The following PTPRJ variants were observed in gnomAD, a reference collection of about 807,000 sequenced individuals.
The protein encoded by PTPRJ is protein tyrosine phosphatase receptor type J, also known as receptor-type tyrosine-protein phosphatase eta.
A neutral mutation model predicts 141.3 loss-of-function variants in PTPRJ; 129 were observed. The ratio of observed to expected loss-of-function variants is 0.91; its 90% CI spans 0.79 to 1.06. The LOEUF is 1.06. Ranked by LOEUF, PTPRJ falls within the 50% of genes least tolerant of loss-of-function variation. The pLI, the probability that PTPRJ is intolerant of heterozygous loss-of-function variation, is 0.00. For missense variants in PTPRJ, 1,601 were observed against 1,679.7 expected, an observed-to-expected ratio of 0.95 and a Z score of 0.82; for synonymous variants, 610 against 640.5, an observed-to-expected ratio of 0.95 and a Z score of 0.72.
chr11:48,065,964 A>G (rs967362225), intron 1 of PTPRJ, among the ~76,000 whole-genome samples: 5 of 152,236 alleles, frequency 3.3e-5, no homozygotes, highest in African/African-American at 1.2e-4. Context: ...TTTTTGAAAC[A>G]TGAAAACCCT....
At chr11:48,039,767 C>T (rs966130907) in intron 1 of PTPRJ, among the ~76,000 whole-genome samples, 2 of 151,644 alleles carry the variant, frequency 1.3e-5, no homozygotes, top group Non-Finnish European at 2.9e-5. Context: ...AGGTAAGTGT[C>T]CCCCCAGTCT....
chr11:48,062,907 A>G (rs1485343439), intron 1 of PTPRJ, among the ~76,000 whole-genome samples: 4 of 152,250 alleles, frequency 2.6e-5, no homozygotes, highest in Admixed American at 2.6e-4. Context: ...GTTGTCATGC[A>G]TTCCAGACTA....
chr11:48,093,603 T>C (rs1391058087), intron 1 of PTPRJ, among the ~76,000 whole-genome samples: 1 of 152,076 alleles, frequency 6.6e-6, no homozygotes. Context: ...ATGAAGGAAA[T>C]GTAACAAGCG....
chr11:48,062,696 C>G (rs572210060), intron 1 of PTPRJ, among the ~76,000 whole-genome samples: 3 of 152,180 alleles, frequency 2.0e-5, no homozygotes, highest in African/African-American at 4.8e-5. Context: ...GAAGAGAGAT[C>G]GAACAAGAAG....
rs921156659 is a variant in PTPRJ, at chr11:47,980,729, GGCC to G, written c.-172_-170del. The G allele has an allele frequency of 3.7e-5, 37 of 1,004,464 alleles. No homozygotes were observed. The African/African-American group carries it at 5.1e-4, about 14-fold the overall frequency. 62.2% of individuals were successfully genotyped at this position (1,004,464 alleles called of 1,614,324 possible). On this transcript the variant is annotated 5_prime_UTR_variant, in exon 1 of 25. Coordinates refer to ENST00000418331, the MANE Select transcript of PTPRJ (RefSeq NM_002843.4). Reference sequence around the variant, plus strand: ...GCGCTAGGCTCCGGCGTGTGGCCGCGGCCGCCGCCGCCGCTGCCATGTCTCCGG... The same window carrying G: ...GCGCTAGGCTCCGGCGTGTGGCCGCGGCCGCCGCCGCTGCCATGTCTCCGG...
intron 1 of PTPRJ, among the ~76,000 whole-genome samples, chr11:48,103,540 G>T (rs904657368): frequency 2.6e-5 from 4 of 152,120 alleles, no homozygotes; most frequent in African/African-American, 9.7e-5. Flanking sequence ...CCCAAATAGT[G>T]AATCACATCA....
At chr11:48,061,161 A>G (rs1854911641) in intron 1 of PTPRJ, among the ~76,000 whole-genome samples, 1 of 152,166 alleles carries the variant, frequency 6.6e-6, no homozygotes, top group South Asian at 2.1e-4. Context: ...TTTTTAGTAG[A>G]GACAGGATTT....
At chr11:48,131,051 C>CACACACACACACAT (rs1286082298) in intron 8 of PTPRJ, among the ~76,000 whole-genome samples, 87 of 112,088 alleles carry the variant, frequency 7.8e-4, no homozygotes, top group Admixed American at 1.1e-3. Flanking sequence ...CACACACACA[C>CACACACACACACAT]ATATATATAT....
intron 24 of PTPRJ, among the ~76,000 whole-genome samples, chr11:48,166,084 C>T (rs370792655): frequency 5.9e-5 from 9 of 151,678 alleles, no homozygotes; most frequent in South Asian, 2.1e-4. Flanking sequence ...AGGATGGTCT[C>T]GATCTCCTGA....
chr11:47,998,662 C>T (rs977433692), intron 1 of PTPRJ, among the ~76,000 whole-genome samples: 3 of 152,150 alleles, frequency 2.0e-5, no homozygotes, highest in Non-Finnish European at 2.9e-5. Context: ...GTATGCAGTG[C>T]CCCCGGCAAG....
chr11:48,000,982 A>ATTTTTTTTTTTT (rs1002159076), intron 1 of PTPRJ, among the ~76,000 whole-genome samples: 3 of 122,882 alleles, frequency 2.4e-5, no homozygotes, highest in Non-Finnish European at 5.0e-5. Flanking sequence ...GTCCCATATA[A>ATTTTTTTTTTTT]TTTTTTTTTT....
At chr11:48,066,554 GTATTAT>G (rs58097315) in intron 1 of PTPRJ, among the ~76,000 whole-genome samples, 10,557 of 133,644 alleles carry the variant, frequency 0.079, 538 homozygotes, top group African/African-American at 0.13. Flanking sequence ...TTATCCAGTC[GTATTAT>G]TATTATTATT....
In PTPRJ at chr11:48,139,526, C is replaced by G; in HGVS notation, c.2193C>G (p.Pro731=). 1 of 1,614,194 alleles carries G rather than the reference C, an allele frequency of 6.2e-7. No individual in the cohort carries two copies. Among genetic ancestry groups the G allele is most frequent in the Non-Finnish European group, 8.5e-7 (1 of 1,180,010 alleles). Residue 731 remains proline (P), a synonymous_variant, in exon 11 of 25, where the codon CCC becomes CCG. Coordinates refer to ENST00000418331, the MANE Select transcript of PTPRJ (RefSeq NM_002843.4). ...SMASFDCEVV[P]KEPALVLKWT... ...CCTCCTTCGACTGCGAAGTGGTCCC[C>G]AAAGAGCCAGCCCTGGTTCTCAAAT...
intron 1 of PTPRJ, among the ~76,000 whole-genome samples, chr11:48,092,312 A>AAG (rs1555044856): frequency 6.7e-6 from 1 of 148,798 alleles, no homozygotes; most frequent in Non-Finnish European, 1.5e-5. Context: ...AAAAAAAAAA[A>AAG]AAAAAGAAAA....
At chr11:48,000,310 T>A (rs990540798) in intron 1 of PTPRJ, among the ~76,000 whole-genome samples, 25 of 151,658 alleles carry the variant, frequency 1.6e-4, no homozygotes, top group African/African-American at 2.2e-4. Context: ...CTGGGTAATT[T>A]TAAAATTTTT....
chr11:48,053,259 AATATAT>A (rs1854637855), intron 1 of PTPRJ, among the ~76,000 whole-genome samples: 1 of 83,804 alleles, frequency 1.2e-5, no homozygotes, highest in Non-Finnish European at 2.0e-5. Context: ...TAATATATAT[AATATAT>A]TATATAAATA....
chr11:48,097,087 G>A (rs1402007057), intron 1 of PTPRJ, among the ~76,000 whole-genome samples: 4 of 152,192 alleles, frequency 2.6e-5, no homozygotes, highest in African/African-American at 7.2e-5. Context: ...TGCTAGGCAT[G>A]GGGTATCGAG....
chr11:48,129,942 G>T (rs1566732), intron 7 of PTPRJ, among the ~76,000 whole-genome samples: 70,518 of 151,654 alleles, frequency 0.46, 19,635 homozygotes, highest in Admixed American at 0.59. Flanking sequence ...GCAAAACTTA[G>T]TCACATTGCA....
At chr11:48,067,530 AAG>A (rs1855118620) in intron 1 of PTPRJ, among the ~76,000 whole-genome samples, 1 of 152,148 alleles carries the variant, frequency 6.6e-6, no homozygotes, top group South Asian at 2.1e-4. Context: ...TTTGAAAGAG[AAG>A]AGAGTCTTAT....
Sources: allele counts gnomAD v4.1 joint callset (sites outside exome capture counted in the v4.1 genomes callset), GRCh38; gene constraint gnomAD v4.1.1; transcripts MANE v1.5; gene names NCBI Gene and HGNC (gene_info 2026-07-23, HGNC 2026-07-21).